Variants in TMEM232 observed in about 807,000 individuals in gnomAD.
TMEM232 encodes the protein transmembrane protein 232.
A neutral mutation model predicts 78.8 loss-of-function variants in TMEM232; 80 were observed. The observed-to-expected ratio is 1.01, with a 90% confidence interval of 0.85 to 1.22. TMEM232 has a LOEUF of 1.22. TMEM232 is among the 50% of genes most tolerant of loss of function. The pLI, the probability that TMEM232 is intolerant of heterozygous loss-of-function variation, is 0.00. For missense variants in TMEM232, 881 were observed against 742.2 expected (o/e 1.19, Z -2.17); for synonymous variants, 297 against 254.3 (o/e 1.17, Z -1.60).
At chr5:110,601,086 G>C (rs1003901062) in intron 10 of TMEM232, among the ~76,000 whole-genome samples, 1 of 152,098 alleles carries the variant, frequency 6.6e-6, no homozygotes, top group African/African-American at 2.4e-5. Context: ...ATGCAGAAAA[G>C]GCCTTTGATA....
chr5:110,557,350 C>A (rs997111952), intron 11 of TMEM232, among the ~76,000 whole-genome samples: 1 of 152,134 alleles, frequency 6.6e-6, no homozygotes. Context: ...CTTGGCCATT[C>A]AGATTCTGAA....
chr5:110,398,672 A>C (rs181608987), intron 2 of TMEM232, among the ~76,000 whole-genome samples: 2 of 152,188 alleles, frequency 1.3e-5, no homozygotes, highest in Non-Finnish European at 2.9e-5. Context: ...CTGAAGAGGT[A>C]ACATCTCTCT....
At chr5:110,449,988 G>C (rs1316176227) in intron 12 of TMEM232, among the ~76,000 whole-genome samples, 2 of 152,108 alleles carry the variant, frequency 1.3e-5, no homozygotes, top group East Asian at 3.8e-4. Flanking sequence ...GGGACGTGGA[G>C]GGAGGTGATT....
chr5:110,481,531 C>T (rs1057068928), intron 12 of TMEM232, among the ~76,000 whole-genome samples: 1 of 152,220 alleles, frequency 6.6e-6, no homozygotes, highest in African/African-American at 2.4e-5. Context: ...CCTCCGCACA[C>T]ACACATAAAC....
At chr5:110,463,787 C>A (rs1011891872) in intron 12 of TMEM232, among the ~76,000 whole-genome samples, 6 of 152,156 alleles carry the variant, frequency 3.9e-5, no homozygotes, top group Non-Finnish European at 8.8e-5. Context: ...ACTTCTCCTG[C>A]CCTACTCCAC....
chr5:110,466,000 G>A (rs1428203379), intron 12 of TMEM232, among the ~76,000 whole-genome samples: 4 of 151,984 alleles, frequency 2.6e-5, no homozygotes, highest in Non-Finnish European at 5.9e-5. Flanking sequence ...GATCTTTCAT[G>A]AGCAACTGAA....
chr5:110,537,601 C>T (rs2149565915), intron 11 of TMEM232, among the ~76,000 whole-genome samples: 2 of 152,292 alleles, frequency 1.3e-5, no homozygotes, highest in Middle Eastern at 6.8e-3. Flanking sequence ...TCCATACAGC[C>T]CCTTGCCAAG....
intron 12 of TMEM232, among the ~76,000 whole-genome samples, chr5:110,485,989 A>AT (rs746820814): frequency 2.0e-5 from 3 of 151,356 alleles, no homozygotes; most frequent in African/African-American, 4.8e-5. Context: ...ACTGTTTTTC[A>AT]ATTTTTTTTT....
At chr5:110,613,650 G>T (rs1426369079) in intron 8 of TMEM232, among the ~76,000 whole-genome samples, 1 of 152,054 alleles carries the variant, frequency 6.6e-6, no homozygotes, top group Non-Finnish European at 1.5e-5. Flanking sequence ...AGGGCCTGGT[G>T]CCTCAATATT....
intron 12 of TMEM232, among the ~76,000 whole-genome samples, chr5:110,525,731 T>C (rs149666866): frequency 1.0e-3 from 151 of 151,536 alleles, no homozygotes; most frequent in African/African-American, 3.6e-3. Context: ...TAGGAAAACA[T>C]TGAAAAGCAC....
At chr5:110,538,721 T>C (rs925014977) in intron 11 of TMEM232, among the ~76,000 whole-genome samples, 1 of 152,096 alleles carries the variant, frequency 6.6e-6, no homozygotes, top group African/African-American at 2.4e-5. Context: ...CGAAGGGGCC[T>C]GGGGTCTTCC....
chr5:110,495,818 G>T (rs549313729), intron 12 of TMEM232, among the ~76,000 whole-genome samples: 32 of 149,864 alleles, frequency 2.1e-4, no homozygotes, highest in South Asian at 1.3e-3. Flanking sequence ...TGATCTTCTG[G>T]TTTTTTTTTA....
At chr5:110,495,856 A>T (rs1000525652) in intron 12 of TMEM232, among the ~76,000 whole-genome samples, 4 of 151,664 alleles carry the variant, frequency 2.6e-5, no homozygotes, top group African/African-American at 9.7e-5. Context: ...ATTAAATATC[A>T]ATTGAATAAT....
At chr5:110,532,659 A>G (rs1400995130) in intron 11 of TMEM232, among the ~76,000 whole-genome samples, 6 of 151,926 alleles carry the variant, frequency 3.9e-5, no homozygotes, top group Non-Finnish European at 8.8e-5. Context: ...GACTACAGCT[A>G]TATCTCATTG....
chr5:110,391,187 A>C (rs543134831), intron 3 of TMEM232, among the ~76,000 whole-genome samples: 2 of 152,218 alleles, frequency 1.3e-5, no homozygotes, highest in African/African-American at 2.4e-5. Flanking sequence ...TGAGGCTAAT[A>C]AGCATGGCAT....
chr5:110,644,305 T>C (rs1787156502), intron 2 of TMEM232, among the ~76,000 whole-genome samples: 1 of 151,930 alleles, frequency 6.6e-6, no homozygotes, highest in Admixed American at 6.6e-5. Context: ...AACTTTAATC[T>C]TCTCATTTGT....
At chr5:110,430,616 A>C (rs1757724747) in intron 12 of TMEM232, among the ~76,000 whole-genome samples, 1 of 151,762 alleles carries the variant, frequency 6.6e-6, no homozygotes, top group African/African-American at 2.4e-5. Context: ...TTTTCCTCTA[A>C]AATTTCACTT....
intron 13 of TMEM232, among the ~76,000 whole-genome samples, chr5:110,422,827 G>T (rs1267741057): frequency 6.6e-6 from 1 of 151,942 alleles, no homozygotes; most frequent in African/African-American, 2.4e-5. Context: ...AGATCAATTT[G>T]GGTAAATAAT....
At chr5:110,493,749 G>C (rs1396763957) in intron 12 of TMEM232, among the ~76,000 whole-genome samples, 1 of 151,656 alleles carries the variant, frequency 6.6e-6, no homozygotes, top group Non-Finnish European at 1.5e-5. Flanking sequence ...TTATGATATA[G>C]GTATGAGGAA....
Sources: gnomAD v4.1 joint callset for allele counts (sites outside exome capture counted in the v4.1 genomes callset) on GRCh38, gnomAD v4.1.1 for gene constraint, MANE v1.5 for transcripts, NCBI Gene and HGNC (gene_info 2026-07-23, HGNC 2026-07-21) for gene names.